GTF2H5: variants seen among roughly 807,000 people sequenced by gnomAD.
GTF2H5 encodes the protein general transcription factor IIH subunit 5.
A neutral mutation model predicts 7.1 loss-of-function variants in GTF2H5; 5 were observed. The ratio of observed to expected loss-of-function variants is 0.71; its 90% CI spans 0.37 to 1.49. GTF2H5 has a LOEUF of 1.49. Ranked by LOEUF, GTF2H5 falls within the 40% of genes most tolerant of loss-of-function variation. The pLI, the probability that GTF2H5 is intolerant of heterozygous loss-of-function variation, is 0.03. For missense variants in GTF2H5, 80 were observed against 83.0 expected, an observed-to-expected ratio of 0.96 and a Z score of 0.14; for synonymous variants, 30 against 31.7, an observed-to-expected ratio of 0.95 and a Z score of 0.18.
At position 158,192,417 on chromosome 6, in the gene GTF2H5, C is replaced by T. The variant is rs1191335538; in HGVS notation, c.*260C>T. Reference sequence around the variant, plus strand: ...CTTTATTAAAATACAAATGTCAATGCTTTTCCTGCCTTTTTAATACCATGT... The same window carrying T: ...CTTTATTAAAATACAAATGTCAATGTTTTTCCTGCCTTTTTAATACCATGT... On this transcript the variant is annotated 3_prime_UTR_variant, in exon 3 of 3. Coordinates refer to ENST00000607778, the MANE Select transcript of GTF2H5 (RefSeq NM_207118.3). 2 of 419,064 alleles carry T rather than the reference C, an allele frequency of 4.8e-6. No individual in the cohort carries two copies. The highest frequency in any genetic ancestry group is 7.6e-5 in the Admixed American group (2 of 26,398). 26.0% of individuals were successfully genotyped at this position (419,064 alleles called of 1,614,324 possible).
At chr6:158,176,291 A>G (rs532474142) in intron 2 of GTF2H5, among the ~76,000 whole-genome samples, 1 of 152,248 alleles carries the variant, frequency 6.6e-6, no homozygotes, top group East Asian at 1.9e-4. Context: ...CAGTGGCACA[A>G]TCTTGGCTCA....
intron 2 of GTF2H5, among the ~76,000 whole-genome samples, chr6:158,179,220 CCAGTAT>C (rs1785972985): frequency 1.3e-5 from 2 of 152,148 alleles, no homozygotes; most frequent in Admixed American, 1.3e-4. Flanking sequence ...TGTTTTAGTA[CCAGTAT>C]CATGCTGTTT....
intron 2 of GTF2H5, among the ~76,000 whole-genome samples, chr6:158,178,964 T>C (rs1006139664): frequency 1.4e-4 from 21 of 152,196 alleles, no homozygotes; most frequent in Non-Finnish European, 2.6e-4. Flanking sequence ...TCTTCTAGGA[T>C]TTTTATGGTC....
At chr6:158,169,360 ATATATATAATATGTATAT>A (rs1785713687) in intron 1 of GTF2H5, among the ~76,000 whole-genome samples, 1 of 86,676 alleles carries the variant, frequency 1.2e-5, no homozygotes, top group Non-Finnish European at 2.1e-5. Context: ...TATATAATAC[ATATATATAATATGTATAT>A]TATATATTAT....
chr6:158,199,297 C>T lies in GTF2H5; in HGVS notation c.*7140C>T, dbSNP rs955973035. The T allele has an allele frequency of 6.6e-6, 1 of 152,134 alleles. No homozygotes were observed. The highest frequency in any genetic ancestry group is 1.5e-5 in the Non-Finnish European group (1 of 68,044). 9.4% of individuals were successfully genotyped at this position (152,134 alleles called of 1,614,324 possible). On this transcript the variant is annotated 3_prime_UTR_variant, in exon 3 of 3. Transcript: ENST00000607778. Reference sequence around the variant, plus strand: ...ATACCCAATATATCCATGGGACAAGCATGTACATGCACCCCCTGAGTCTAA... The same window carrying T: ...ATACCCAATATATCCATGGGACAAGTATGTACATGCACCCCCTGAGTCTAA...
At chr6:158,172,455 C>T (rs780431475) in intron 2 of GTF2H5, among the ~76,000 whole-genome samples, 2 of 151,980 alleles carry the variant, frequency 1.3e-5, no homozygotes, top group African/African-American at 2.4e-5. Flanking sequence ...CCACCACACC[C>T]GGCTAATTTT....
At chr6:158,187,167 G>T (rs940925526) in intron 2 of GTF2H5, among the ~76,000 whole-genome samples, 1 of 151,896 alleles carries the variant, frequency 6.6e-6, no homozygotes, top group South Asian at 2.1e-4. Context: ...GCTAATTTTT[G>T]TATTTTTTTG....
rs1261312226 is a variant in GTF2H5 at position 158,198,765 on chromosome 6, T to G, written c.*6608T>G. On this transcript the variant is annotated 3_prime_UTR_variant, in exon 3 of 3. Transcript: ENST00000607778. ...ATTGCAGGAGCGTTCTCTCGGCTCATCTCTTGTTTTCTCACCCAGCTGTTC... is the reference window on the plus strand; with the variant it reads ...ATTGCAGGAGCGTTCTCTCGGCTCAGCTCTTGTTTTCTCACCCAGCTGTTC... The G allele has an allele frequency of 6.6e-6, 1 of 152,200 alleles. No individual in the cohort carries two copies. Among genetic ancestry groups the G allele is most frequent in the African/African-American group, 2.4e-5 (1 of 41,428 alleles). 9.4% of individuals were successfully genotyped at this position (152,200 alleles called of 1,614,324 possible).
At chr6:158,191,757 C>G (rs1255615830) in intron 2 of GTF2H5, among the ~76,000 whole-genome samples, 1 of 152,208 alleles carries the variant, frequency 6.6e-6, no homozygotes, top group Admixed American at 6.5e-5. Context: ...GCTGGGATCA[C>G]AGGTGTGAGC....
Position 158,169,688 on chromosome 6 carries a change from A to ATATATTATATAATATATTG in GTF2H5, c.-34-770_-34-752dup, listed in dbSNP as rs1562469195. Among the ~76,000 whole-genome samples, 29 of 49,814 alleles carry ATATATTATATAATATATTG rather than the reference A, an allele frequency of 5.8e-4. 3 individuals are homozygous for ATATATTATATAATATATTG. The East Asian group carries it at 6.1e-3, about 10-fold the overall frequency. 32.7% of individuals were successfully genotyped at this position (49,814 alleles called of 152,430 possible). A position where few individuals can be genotyped will look rare whatever the true frequency, so the allele number is the denominator to read the frequency against. On this transcript the variant is annotated intron_variant, in intron 1 of 2. Coordinates refer to ENST00000607778, the MANE Select transcript of GTF2H5 (RefSeq NM_207118.3). ...TATTGTATATTATATAATATATAAT[A>ATATATTATATAATATATTG]TATATTATATAATATATTGTATATT...
At chr6:158,178,503 C>T (rs957420541) in intron 2 of GTF2H5, among the ~76,000 whole-genome samples, 2 of 151,078 alleles carry the variant, frequency 1.3e-5, no homozygotes, top group African/African-American at 4.9e-5. Context: ...CACAACCTCT[C>T]CAGCATCTGT....
Position 158,195,116 on chromosome 6 carries a change from G to A in GTF2H5, c.*2959G>A. 1 of 151,420 alleles carries A rather than the reference G, an allele frequency of 6.6e-6. No individual in the cohort carries two copies. Among genetic ancestry groups the A allele is most frequent in the Non-Finnish European group, 1.5e-5 (1 of 67,936 alleles). The allele number at this position is 151,420 out of a possible 1,614,324, so 9.4% of individuals were successfully genotyped here. ...TTACATGTCCAGAACAAGGCTGTTGGTGCTTGGCACCAAGAAATTTATGAC... is the reference window on the plus strand; with the variant it reads ...TTACATGTCCAGAACAAGGCTGTTGATGCTTGGCACCAAGAAATTTATGAC... On this transcript the variant is annotated 3_prime_UTR_variant, in exon 3 of 3. Transcript: ENST00000607778.
At chr6:158,174,319 A>G (rs1250394208) in intron 2 of GTF2H5, among the ~76,000 whole-genome samples, 1 of 152,014 alleles carries the variant, frequency 6.6e-6, no homozygotes, top group Non-Finnish European at 1.5e-5. Context: ...CCATATTTAA[A>G]CTCCATTTCT....
At chr6:158,180,864 C>A (rs1204663694) in intron 2 of GTF2H5, among the ~76,000 whole-genome samples, 1 of 138,594 alleles carries the variant, frequency 7.2e-6, no homozygotes, top group Non-Finnish European at 1.5e-5. Context: ...TTTTTTGTCT[C>A]TATCTCCTTC....
At chr6:158,175,852 G>C (rs1013047229) in intron 2 of GTF2H5, among the ~76,000 whole-genome samples, 3 of 152,104 alleles carry the variant, frequency 2.0e-5, no homozygotes, top group Non-Finnish European at 4.4e-5. Context: ...TGTTGATTGT[G>C]GCATATTTTA....
At chr6:158,180,704 G>T (rs543197586) in intron 2 of GTF2H5, among the ~76,000 whole-genome samples, 1 of 151,966 alleles carries the variant, frequency 6.6e-6, no homozygotes, top group African/African-American at 2.4e-5. Context: ...CTGTGGGATC[G>T]GGTTGATATC....
chr6:158,169,441 A>ATATAATATACTG (rs1554266936), intron 1 of GTF2H5, among the ~76,000 whole-genome samples: 3 of 64,620 alleles, frequency 4.6e-5, no homozygotes, highest in African/African-American at 2.3e-4. Context: ...TGTATATTAT[A>ATATAATATACTG]TATATTATAT....
intron 2 of GTF2H5, among the ~76,000 whole-genome samples, chr6:158,179,888 G>A (rs1024614918): frequency 6.6e-6 from 1 of 152,118 alleles, no homozygotes; most frequent in African/African-American, 2.4e-5. Flanking sequence ...AATAGGAGTG[G>A]TGAGAGAGGG....
chr6:158,196,427 G>A lies in GTF2H5; in HGVS notation c.*4270G>A, dbSNP rs374347312. ...CTCATTTGTGTAAACAGGAATGCCC[G>A]TCTTTAAAGACTATTAAAATGAATG... On this transcript the variant is annotated 3_prime_UTR_variant, in exon 3 of 3. Transcript: ENST00000607778. 4.6e-5 allele frequency: 7 copies of A among 152,158 alleles called. No individual in the cohort carries two copies. The highest frequency in any genetic ancestry group is 3.8e-4 in the East Asian group (2 of 5,200). 9.4% of individuals were successfully genotyped at this position (152,158 alleles called of 1,614,324 possible). A position where few individuals can be genotyped will look rare whatever the true frequency, so the allele number is the denominator to read the frequency against.
Sources: gnomAD v4.1 joint callset for allele counts (sites outside exome capture counted in the v4.1 genomes callset) on GRCh38, gnomAD v4.1.1 for gene constraint, MANE v1.5 for transcripts, NCBI Gene and HGNC (gene_info 2026-07-23, HGNC 2026-07-21) for gene names.